The following CACNA2D3 variants were observed in gnomAD, a reference collection of about 807,000 sequenced individuals.
The protein encoded by CACNA2D3 is voltage-dependent calcium channel subunit alpha-2/delta-3.
A neutral mutation model predicts 160.6 loss-of-function variants in CACNA2D3; 60 were observed. That is an observed-to-expected ratio of 0.37 (90% CI 0.30 to 0.46). The LOEUF (loss-of-function observed/expected upper bound fraction) is 0.46. Ranked by LOEUF, CACNA2D3 falls within the 20% of genes least tolerant of loss-of-function variation. The probability of loss-of-function intolerance (pLI) is 1.00; values close to 1 mark genes in which losing one functional copy is unlikely to be tolerated. For synonymous variants in CACNA2D3, 558 were observed against 492.9 expected (o/e 1.13, Z -1.75); for missense variants, 1,205 against 1,365.0 (o/e 0.88, Z 1.85).
chr3:54,584,859 A>G (rs755472152), intron 9 of CACNA2D3, among the ~76,000 whole-genome samples: 20 of 152,238 alleles, frequency 1.3e-4, no homozygotes, highest in Non-Finnish European at 2.4e-4. Flanking sequence ...AGAAGTAAGT[A>G]GCATAGCATT....
chr3:54,466,131 C>T (rs1003159911), intron 4 of CACNA2D3, among the ~76,000 whole-genome samples: 11 of 152,104 alleles, frequency 7.2e-5, no homozygotes, highest in South Asian at 2.1e-4. Context: ...TTCACATCTC[C>T]GTATTTTAAG....
At chr3:54,751,268 G>A (rs544409542) in intron 11 of CACNA2D3, among the ~76,000 whole-genome samples, 10 of 152,150 alleles carry the variant, frequency 6.6e-5, no homozygotes, top group African/African-American at 2.2e-4. Flanking sequence ...GATAAATAAA[G>A]TAATGGCCTT....
chr3:54,697,043 G>C (rs754778695), intron 11 of CACNA2D3, among the ~76,000 whole-genome samples: 2 of 152,214 alleles, frequency 1.3e-5, no homozygotes, highest in Non-Finnish European at 1.5e-5. Flanking sequence ...TTGGGAGGCC[G>C]AGGCAGGTGG....
intron 2 of CACNA2D3, among the ~76,000 whole-genome samples, chr3:54,241,892 T>A (rs1024250037): frequency 2.0e-5 from 3 of 152,168 alleles, no homozygotes; most frequent in Non-Finnish European, 4.4e-5. Context: ...ATCTAAAATA[T>A]GATGATGATA....
intron 29 of CACNA2D3, among the ~76,000 whole-genome samples, chr3:54,983,421 T>C (rs780332511): frequency 1.3e-5 from 2 of 152,206 alleles, no homozygotes; most frequent in South Asian, 4.1e-4. Flanking sequence ...TGGAGAAAGC[T>C]TATCAAGACT....
At chr3:54,580,541 C>G (rs1311652737) in intron 8 of CACNA2D3, among the ~76,000 whole-genome samples, 1 of 152,132 alleles carries the variant, frequency 6.6e-6, no homozygotes, top group Non-Finnish European at 1.5e-5. Context: ...TGGTTCTGTT[C>G]TCTTCCCTCA....
intron 31 of CACNA2D3, among the ~76,000 whole-genome samples, chr3:55,001,646 T>G (rs1329996875): frequency 6.6e-6 from 1 of 152,202 alleles, no homozygotes; most frequent in African/African-American, 2.4e-5. Flanking sequence ...CACATTGCCT[T>G]CTCTTGAGCC....
At chr3:54,556,406 C>T (rs1018838030) in intron 5 of CACNA2D3, among the ~76,000 whole-genome samples, 3 of 152,142 alleles carry the variant, frequency 2.0e-5, no homozygotes, top group African/African-American at 7.2e-5. Context: ...GGACGGCAGG[C>T]GAGCACCAGA....
intron 11 of CACNA2D3, among the ~76,000 whole-genome samples, chr3:54,675,134 C>T (rs1336522009): frequency 2.0e-5 from 3 of 152,108 alleles, no homozygotes; most frequent in Non-Finnish European, 4.4e-5. Context: ...TTTGGCAATA[C>T]CTAGCAGAGA....
At chr3:54,896,370 T>G (rs1700188703) in intron 25 of CACNA2D3, among the ~76,000 whole-genome samples, 1 of 152,234 alleles carries the variant, frequency 6.6e-6, no homozygotes, top group Non-Finnish European at 1.5e-5. Flanking sequence ...GAGTTGATTC[T>G]CCCAAGGGTA....
chr3:54,123,386 T>C lies in CACNA2D3; in HGVS notation c.123-127T>C, dbSNP rs547431565. On this transcript the variant is annotated intron_variant, in intron 1 of 37. Coordinates refer to ENST00000474759, the MANE Select transcript of CACNA2D3 (RefSeq NM_018398.3). Reference sequence around the variant, plus strand: ...CTACCAAGCCGCTTTTTCTATCTTTTCTTCTTTTAAAACATGTTACATCGC... The same window carrying C: ...CTACCAAGCCGCTTTTTCTATCTTTCCTTCTTTTAAAACATGTTACATCGC... 14 of 734,008 alleles carry C rather than the reference T, an allele frequency of 1.9e-5. No individual in the cohort carries two copies. The African/African-American group carries it at 2.5e-4, about 13-fold the overall frequency. The allele number at this position is 734,008 out of a possible 1,614,324, so 45.5% of individuals were successfully genotyped here.
intron 4 of CACNA2D3, among the ~76,000 whole-genome samples, chr3:54,466,556 C>G (rs1430599394): frequency 6.6e-6 from 1 of 152,048 alleles, no homozygotes. Flanking sequence ...AGTAACATTG[C>G]AAGTGTTATT....
intron 11 of CACNA2D3, among the ~76,000 whole-genome samples, chr3:54,711,560 T>C (rs1041234793): frequency 6.6e-6 from 1 of 152,188 alleles, no homozygotes; most frequent in African/African-American, 2.4e-5. Flanking sequence ...GTAGATCCCA[T>C]TGGCCAGAAA....
At chr3:54,193,154 G>A (rs971631916) in intron 2 of CACNA2D3, among the ~76,000 whole-genome samples, 1 of 152,144 alleles carries the variant, frequency 6.6e-6, no homozygotes, top group Admixed American at 6.5e-5. Flanking sequence ...AAGCTCTCAT[G>A]GTGAAGTGAT....
Position 54,753,522 on chromosome 3 carries a change from A to C in CACNA2D3, c.1246+845A>C, listed in dbSNP as rs563775301. Among the ~76,000 whole-genome samples the C allele has an allele frequency of 4.6e-5, 7 of 152,352 alleles. No homozygotes were observed. In the South Asian group the frequency reaches 1.5e-3, roughly 32 times the overall value. ...GGGTCCCTGAGTGAGCACATGGAGC[A>C]GATGACTTTCACTGCCCCTTGCATC... On this transcript the variant is annotated intron_variant, in intron 12 of 37. Transcript: ENST00000474759.
At chr3:54,494,082 G>T (rs1396884854) in intron 4 of CACNA2D3, among the ~76,000 whole-genome samples, 1 of 152,190 alleles carries the variant, frequency 6.6e-6, no homozygotes, top group African/African-American at 2.4e-5. Flanking sequence ...GATTAGTTCT[G>T]TTGTGCTCCC....
At chr3:54,293,464 A>T (rs765055229) in intron 2 of CACNA2D3, among the ~76,000 whole-genome samples, 3 of 152,034 alleles carry the variant, frequency 2.0e-5, no homozygotes, top group African/African-American at 7.2e-5. Context: ...TTGGTTTTCT[A>T]TTCCTGAGTT....
intron 27 of CACNA2D3, among the ~76,000 whole-genome samples, chr3:54,908,975 C>T (rs1027569329): frequency 2.0e-5 from 3 of 152,070 alleles, no homozygotes; most frequent in African/African-American, 2.4e-5. Context: ...AAAAGAACAA[C>T]GAAAAAGGCT....
In CACNA2D3 at chr3:54,885,601, A is replaced by T. The variant is rs17054513; in HGVS notation, c.2056+15A>T. ...TCTGCTCCAGTGTGAGTATGCTTTCAAAAGTGTGCTGTGCCTTCAGGGGTG... is the reference window on the plus strand; with the variant it reads ...TCTGCTCCAGTGTGAGTATGCTTTCTAAAGTGTGCTGTGCCTTCAGGGGTG... On this transcript the variant is annotated intron_variant, in intron 23 of 37. Coordinates refer to ENST00000474759, the MANE Select transcript of CACNA2D3 (RefSeq NM_018398.3). 2.1e-3 allele frequency: 3,392 copies of T among 1,597,892 alleles called. 71 individuals carry two copies. In the African/African-American group the frequency reaches 0.039, roughly 18 times the overall value.
Sources: gnomAD v4.1 joint callset for allele counts (sites outside exome capture counted in the v4.1 genomes callset) on GRCh38, gnomAD v4.1.1 for gene constraint, MANE v1.5 for transcripts, NCBI Gene and HGNC (gene_info 2026-07-23, HGNC 2026-07-21) for gene names.